Variants in CDH12 observed in about 807,000 individuals in gnomAD.
The protein encoded by CDH12 is cadherin-12.
A neutral mutation model predicts 74.1 loss-of-function variants in CDH12; 41 were observed. That is an observed-to-expected ratio of 0.55 (90% confidence interval 0.43 to 0.72). The LOEUF (loss-of-function observed/expected upper bound fraction) is 0.72. Ranked by LOEUF, CDH12 falls within the 30% of genes least tolerant of loss-of-function variation. The pLI is 0.00. For missense variants in CDH12, 945 were observed against 977.2 expected (o/e 0.97, Z 0.44); for synonymous variants, 399 against 355.0 (o/e 1.12, Z -1.39).
chr5:22,808,598 T>G (rs944077441), intron 1 of CDH12, among the ~76,000 whole-genome samples: 5 of 149,056 alleles, frequency 3.4e-5, no homozygotes, highest in African/African-American at 7.5e-5. Flanking sequence ...TTCTTTTCTT[T>G]TCTTGTCTTT....
intron 1 of CDH12, among the ~76,000 whole-genome samples, chr5:22,535,720 G>T (rs1737816358): frequency 6.6e-6 from 1 of 152,116 alleles, no homozygotes; most frequent in Non-Finnish European, 1.5e-5. Context: ...TATAAAATGG[G>T]ATGTCCCCTA....
intron 9 of CDH12, among the ~76,000 whole-genome samples, chr5:21,812,767 A>G (rs80247418): frequency 1.6e-4 from 25 of 152,286 alleles, no homozygotes; most frequent in African/African-American, 5.5e-4. Context: ...GTTTCATTAC[A>G]AAAATGTCCT....
At chr5:21,951,420 G>A (rs1755856476) in intron 6 of CDH12, among the ~76,000 whole-genome samples, 1 of 150,746 alleles carries the variant, frequency 6.6e-6, no homozygotes, top group African/African-American at 2.5e-5. Context: ...ACTAATTTTT[G>A]TACTTTTAGT....
At chr5:22,041,649 C>T (rs889314781) in intron 5 of CDH12, among the ~76,000 whole-genome samples, 5 of 151,930 alleles carry the variant, frequency 3.3e-5, no homozygotes, top group Non-Finnish European at 7.4e-5. Context: ...CATCAGAGTG[C>T]CTAAATATAT....
chr5:22,024,865 T>C (rs1432568972), intron 5 of CDH12, among the ~76,000 whole-genome samples: 1 of 152,182 alleles, frequency 6.6e-6, no homozygotes, highest in Non-Finnish European at 1.5e-5. Context: ...GACTACTGTA[T>C]GCCATATATA....
chr5:22,489,621 C>CAATTTTAT (rs1307546577), intron 2 of CDH12, among the ~76,000 whole-genome samples: 1 of 150,738 alleles, frequency 6.6e-6, no homozygotes, highest in Non-Finnish European at 1.5e-5. Context: ...GCATATGCTG[C>CAATTTTAT]AATTTTATAG....
rs532317767 is a variant in CDH12, at chr5:22,524,942, T to A, written c.-522-19578A>T. On this transcript the variant is annotated intron_variant, in intron 1 of 14. Transcript: ENST00000382254. The stretch of plus-strand genomic sequence containing the variant: ...CGTCATTTACATTAGGTATATCTCC[T>A]AATGCTATCCCTCCCCCCTCCCTCC... Among the ~76,000 whole-genome samples, 29 of 151,532 alleles carry A rather than the reference T, an allele frequency of 1.9e-4. No individual in the cohort carries two copies. In the East Asian group the frequency reaches 3.9e-3, roughly 20 times the overall value.
At chr5:22,408,638 C>G (rs73058187) in intron 2 of CDH12, among the ~76,000 whole-genome samples, 1 of 150,506 alleles carries the variant, frequency 6.6e-6, no homozygotes, top group Non-Finnish European at 1.5e-5. Context: ...AGTACACATG[C>G]ATTATATTAA....
chr5:22,593,893 C>T (rs775854439), intron 1 of CDH12, among the ~76,000 whole-genome samples: 15 of 152,098 alleles, frequency 9.9e-5, no homozygotes, highest in Admixed American at 3.3e-4. Flanking sequence ...AGTATGATCA[C>T]GGGATAAATA....
intron 1 of CDH12, among the ~76,000 whole-genome samples, chr5:22,514,934 A>G (rs1217860358): frequency 6.6e-6 from 1 of 152,194 alleles, no homozygotes; most frequent in Non-Finnish European, 1.5e-5. Context: ...TAAAAATTCA[A>G]AGGATCATCT....
chr5:22,277,128 T>A (rs899733408), intron 3 of CDH12, among the ~76,000 whole-genome samples: 4 of 152,198 alleles, frequency 2.6e-5, no homozygotes, highest in Non-Finnish European at 5.9e-5. Flanking sequence ...AGTAGCAAAG[T>A]AGCCCCAATA....
At chr5:21,884,321 C>T in intron 6 of CDH12, 11 of 1,199,978 alleles carry the variant, frequency 9.2e-6, no homozygotes, top group Non-Finnish European at 8.7e-6. Flanking sequence ...AACTCCTAGA[C>T]TAGTGCTTTA....
intron 5 of CDH12, among the ~76,000 whole-genome samples, chr5:22,069,147 A>T (rs190620765): frequency 6.6e-6 from 1 of 152,266 alleles, no homozygotes; most frequent in East Asian, 1.9e-4. Context: ...TACCATCCTG[A>T]TCTTCCACAC....
intron 1 of CDH12, among the ~76,000 whole-genome samples, chr5:22,798,114 C>A (rs1581010467): frequency 6.6e-6 from 1 of 152,050 alleles, no homozygotes; most frequent in East Asian, 1.9e-4. Context: ...TATTCTTATC[C>A]CCTGCCTCAA....
intron 4 of CDH12, among the ~76,000 whole-genome samples, chr5:22,123,231 A>C (rs1204846569): frequency 5.3e-5 from 8 of 152,144 alleles, no homozygotes; most frequent in Non-Finnish European, 8.8e-5. Flanking sequence ...CTATGTGAGC[A>C]CCTAGTAAGA....
chr5:22,226,483 T>C (rs1319419561), intron 3 of CDH12, among the ~76,000 whole-genome samples: 1 of 151,632 alleles, frequency 6.6e-6, no homozygotes, highest in Non-Finnish European at 1.5e-5. Context: ...TGAGAGAGAC[T>C]CCAAGCTGAC....
chr5:22,286,947 T>C (rs1295930125), intron 3 of CDH12, among the ~76,000 whole-genome samples: 1 of 152,192 alleles, frequency 6.6e-6, no homozygotes, highest in African/African-American at 2.4e-5. Flanking sequence ...TATGCATCTT[T>C]AGACATTAAA....
chr5:21,767,018 A>G (rs539771376), intron 11 of CDH12, among the ~76,000 whole-genome samples: 22 of 152,020 alleles, frequency 1.4e-4, no homozygotes, highest in Admixed American at 5.2e-4. Flanking sequence ...TGAGCTTTAG[A>G]TGAAAAAATA....
At chr5:21,880,621 T>TTC (rs1280328192) in intron 6 of CDH12, among the ~76,000 whole-genome samples, 3 of 48,564 alleles carry the variant, frequency 6.2e-5, no homozygotes, top group Non-Finnish European at 4.4e-5. Context: ...CCTTCCTTCT[T>TTC]TCTTTCTTTC....
Sources: gnomAD v4.1 joint callset for allele counts (sites outside exome capture counted in the v4.1 genomes callset) on GRCh38, gnomAD v4.1.1 for gene constraint, MANE v1.5 for transcripts, NCBI Gene and HGNC (gene_info 2026-07-23, HGNC 2026-07-21) for gene names.